The following ZNF93 variants were observed in gnomAD, a reference collection of about 807,000 sequenced individuals.
ZNF93 encodes zinc finger protein 93, also known as zinc finger protein 505.
A neutral mutation model predicts 45.0 loss-of-function variants in ZNF93; 29 were observed. The ratio of observed to expected loss-of-function variants is 0.64; its 90% CI spans 0.48 to 0.88. The LOEUF (loss-of-function observed/expected upper bound fraction) is 0.88, where lower values mean the gene tolerates loss of function less well. Ranked by LOEUF, ZNF93 falls within the 40% of genes least tolerant of loss-of-function variation. The pLI is 0.00. For synonymous variants in ZNF93, 223 were observed against 244.6 expected (o/e 0.91, Z 0.82); for missense variants, 578 against 724.0 (o/e 0.80, Z 2.31).
chr19:19,923,111 T>C (rs534990043), intron 3 of ZNF93, among the ~76,000 whole-genome samples: 1 of 152,330 alleles, frequency 6.6e-6, no homozygotes, highest in East Asian at 1.9e-4. Flanking sequence ...GATGGGGTTT[T>C]GGTGTGGATG....
chr19:19,917,006 AACT>A (rs2063326268), intron 3 of ZNF93, among the ~76,000 whole-genome samples: 1 of 152,022 alleles, frequency 6.6e-6, no homozygotes, highest in African/African-American at 2.4e-5. Flanking sequence ...GAAAAACTAA[AACT>A]ACTTTTTAGT....
chr19:19,934,257 T>C lies in ZNF93; in HGVS notation c.1302T>C (p.Phe434=), dbSNP rs201361466. 1.2e-4 allele frequency: 189 copies of C among 1,612,640 alleles called. 13 individuals carry two copies. The East Asian group carries it at 4.1e-3, about 35-fold the overall frequency. ...PYKCEECGKA[F]VASSTLSKHE... Reference sequence around the variant, plus strand: ...AATGTGAAGAATGTGGCAAAGCCTTTGTTGCATCCTCAACCCTTAGTAAAC... The same window carrying C: ...AATGTGAAGAATGTGGCAAAGCCTTCGTTGCATCCTCAACCCTTAGTAAAC... The change falls in exon 4 of 4, where the codon TTT becomes TTC. Residue 434 remains phenylalanine, a synonymous_variant. Coordinates refer to ENST00000343769, the MANE Select transcript of ZNF93 (RefSeq NM_031218.4).
intron 3 of ZNF93, among the ~76,000 whole-genome samples, chr19:19,929,302 T>C (rs1262396075): frequency 6.6e-6 from 1 of 152,204 alleles, no homozygotes; most frequent in Non-Finnish European, 1.5e-5. Flanking sequence ...AAACAATTTT[T>C]CTTTATAAAT....
At chr19:19,923,922 T>A (rs2063348903) in intron 3 of ZNF93, among the ~76,000 whole-genome samples, 1 of 152,172 alleles carries the variant, frequency 6.6e-6, no homozygotes, top group Non-Finnish European at 1.5e-5. Context: ...GCACCCATTG[T>A]CCTGCACCCC....
intron 3 of ZNF93, among the ~76,000 whole-genome samples, chr19:19,924,273 T>C (rs993059683): frequency 6.6e-6 from 1 of 152,026 alleles, no homozygotes; most frequent in Middle Eastern, 3.2e-3. Context: ...AATTTTTTAG[T>C]AGAGATGAGG....
chr19:19,920,685 G>A (rs933378026), intron 3 of ZNF93, among the ~76,000 whole-genome samples: 4 of 152,184 alleles, frequency 2.6e-5, no homozygotes, highest in Non-Finnish European at 2.9e-5. Context: ...GGGTGTATGT[G>A]TTGAGGAATT....
chr19:19,914,316 A>G (rs779559683), intron 1 of ZNF93, among the ~76,000 whole-genome samples: 1 of 152,214 alleles, frequency 6.6e-6, no homozygotes, highest in Non-Finnish European at 1.5e-5. Context: ...TTATTAGGAG[A>G]TACTTGCTCT....
intron 3 of ZNF93, among the ~76,000 whole-genome samples, chr19:19,917,594 A>T (rs1008646794): frequency 1.3e-5 from 2 of 151,778 alleles, no homozygotes; most frequent in African/African-American, 2.4e-5. Flanking sequence ...AGCTTTTTAA[A>T]TTTTTTTTAT....
chr19:19,927,574 C>T (rs917519910), intron 3 of ZNF93, among the ~76,000 whole-genome samples: 13 of 152,240 alleles, frequency 8.5e-5, no homozygotes, highest in Non-Finnish European at 1.8e-4. Flanking sequence ...CATACAGTAT[C>T]CATAATTTTG....
At chr19:19,909,588 T>A (rs1180337113) in intron 1 of ZNF93, 1 of 152,274 alleles carries the variant, frequency 6.6e-6, no homozygotes, top group Non-Finnish European at 1.5e-5. Flanking sequence ...TCTTTCTGAC[T>A]TTGCAGTCTC....
chr19:19,923,462 A>G (rs530575307), intron 3 of ZNF93, among the ~76,000 whole-genome samples: 1 of 152,280 alleles, frequency 6.6e-6, no homozygotes, highest in East Asian at 1.9e-4. Flanking sequence ...CTGTCTTCCA[A>G]GCTGTCAGAG....
At chr19:19,912,062 T>G (rs1387405684) in intron 1 of ZNF93, among the ~76,000 whole-genome samples, 1 of 152,190 alleles carries the variant, frequency 6.6e-6, no homozygotes, top group Non-Finnish European at 1.5e-5. Flanking sequence ...TATTTTCTAT[T>G]TCTTTTACCT....
chr19:19,914,760 C>T (rs970895813), intron 1 of ZNF93: 2 of 380,410 alleles, frequency 5.3e-6, no homozygotes, highest in Admixed American at 3.5e-5. Context: ...AAAACACAGG[C>T]TCTTCCACTT....
intron 3 of ZNF93, among the ~76,000 whole-genome samples, chr19:19,928,058 G>C (rs1489840010): frequency 6.6e-6 from 1 of 152,066 alleles, no homozygotes; most frequent in Non-Finnish European, 1.5e-5. Flanking sequence ...GTGTTAACAT[G>C]TTTTGGATAT....
At chr19:19,901,469 T>C (rs1160459955) in intron 1 of ZNF93, among the ~76,000 whole-genome samples, 1 of 152,096 alleles carries the variant, frequency 6.6e-6, no homozygotes, top group East Asian at 1.9e-4. Flanking sequence ...ACAGTTTCTC[T>C]TTTCTCCTAT....
intron 1 of ZNF93, among the ~76,000 whole-genome samples, chr19:19,913,758 C>T (rs1250028634): frequency 6.6e-6 from 1 of 152,042 alleles, no homozygotes; most frequent in Non-Finnish European, 1.5e-5. Flanking sequence ...GGCATATTCT[C>T]CAGATGCAGG....
intron 1 of ZNF93, chr19:19,909,631 C>G (rs982579083): frequency 6.6e-6 from 1 of 152,182 alleles, no homozygotes; most frequent in Non-Finnish European, 1.5e-5. Context: ...ATGTCACATT[C>G]AAGTTTAATT....
At chr19:19,902,703 C>G (rs1473278256) in intron 1 of ZNF93, among the ~76,000 whole-genome samples, 1 of 150,716 alleles carries the variant, frequency 6.6e-6, no homozygotes, top group Admixed American at 6.6e-5. Context: ...CAAGCAGATG[C>G]AGTTAAGGTT....
intron 3 of ZNF93, chr19:19,932,941 T>C (rs2063379134): frequency 3.5e-6 from 1 of 282,574 alleles, no homozygotes; most frequent in African/African-American, 2.2e-5. Context: ...CTTCAAAATA[T>C]TGTTTTTCAA....
Sources: gnomAD v4.1 joint callset for allele counts (sites outside exome capture counted in the v4.1 genomes callset) on GRCh38, gnomAD v4.1.1 for gene constraint, MANE v1.5 for transcripts, NCBI Gene and HGNC (gene_info 2026-07-23, HGNC 2026-07-21) for gene names.